The following CTIF variants were observed in gnomAD, a reference collection of about 807,000 sequenced individuals.
CTIF encodes the protein CBP80/20-dependent translation initiation factor.
Under a neutral mutation model 66.0 loss-of-function variants are expected in CTIF, and 21 were observed. The observed-to-expected ratio is 0.32, with a 90% CI of 0.23 to 0.46. The LOEUF is 0.46. Among genes scored for constraint, CTIF ranks in the 20% least tolerant of loss-of-function variants. CTIF has a pLI of 1.00. For synonymous variants in CTIF, 345 were observed against 326.4 expected (o/e 1.06, Z -0.62); for missense variants, 739 against 812.7 (o/e 0.91, Z 1.10).
intron 3 of CTIF, among the ~76,000 whole-genome samples, chr18:48,643,009 T>A (rs913800483): frequency 2.6e-5 from 4 of 152,208 alleles, no homozygotes; most frequent in African/African-American, 9.7e-5. Flanking sequence ...GTGCCTGGAA[T>A]GAGGGGAACC....
At chr18:48,646,576 G>A (rs539953163) in intron 3 of CTIF, among the ~76,000 whole-genome samples, 6 of 151,714 alleles carry the variant, frequency 4.0e-5, no homozygotes, top group Middle Eastern at 3.4e-3. Context: ...GTGAAACACC[G>A]TCTCAACAAA....
intron 7 of CTIF, among the ~76,000 whole-genome samples, chr18:48,712,789 C>A (rs765068574): frequency 2.6e-5 from 4 of 152,208 alleles, no homozygotes; most frequent in Non-Finnish European, 5.9e-5. Flanking sequence ...CGCATGCACA[C>A]CCTGAATAGG....
At chr18:48,824,743 C>A (rs1333477817) in intron 10 of CTIF, among the ~76,000 whole-genome samples, 1 of 152,022 alleles carries the variant, frequency 6.6e-6, no homozygotes, top group Non-Finnish European at 1.5e-5. Flanking sequence ...CGGGTTCAAG[C>A]GATTCTTCTG....
chr18:48,621,040 G>T (rs756518321), intron 2 of CTIF, among the ~76,000 whole-genome samples: 97 of 152,208 alleles, frequency 6.4e-4, no homozygotes, highest in Non-Finnish European at 6.8e-4. Context: ...CACAAGTAAT[G>T]CAAGCTTATA....
At chr18:48,630,474 A>T (rs1485160550) in intron 2 of CTIF, among the ~76,000 whole-genome samples, 1 of 152,080 alleles carries the variant, frequency 6.6e-6, no homozygotes, top group East Asian at 1.9e-4. Context: ...TCTAAGGTCA[A>T]TTTTTCAATG....
rs542935321 is a variant in CTIF at position 48,649,780 on chromosome 18, C to G, written c.252+13095C>G. Among the ~76,000 whole-genome samples the G allele has an allele frequency of 2.6e-5, 4 of 152,158 alleles. No individual in the cohort carries two copies. In the South Asian group the frequency reaches 8.3e-4, roughly 32 times the overall value. ...AGGAATGATCAGGCAGCAGTATTTG[C>G]TGTTCTGCAATATTTGCTGTTCTGC... On this transcript the variant is annotated intron_variant, in intron 3 of 11. Transcript: ENST00000256413.
rs567582423 is a variant in CTIF at position 48,655,147 on chromosome 18, A to G, written c.253-8605A>G. On this transcript the variant is annotated intron_variant, in intron 3 of 11. Coordinates refer to ENST00000256413, the MANE Select transcript of CTIF (RefSeq NM_014772.3). ...TTTAAAAATAATAATAATAATAAAAATACAAAAATTTGCTGGGTATGGTGG... is the reference window on the plus strand; with the variant it reads ...TTTAAAAATAATAATAATAATAAAAGTACAAAAATTTGCTGGGTATGGTGG... 5.2e-4 allele frequency among the ~76,000 whole-genome samples: 79 copies of G among 151,886 alleles called. 1 individual carries two copies. In the South Asian group the frequency reaches 0.015, roughly 30 times the overall value.
intron 1 of CTIF, among the ~76,000 whole-genome samples, chr18:48,582,569 A>G (rs544712658): frequency 6.6e-6 from 1 of 152,000 alleles, no homozygotes; most frequent in East Asian, 1.9e-4. Flanking sequence ...CACTGCACTG[A>G]CCTTCCCCCT....
chr18:48,860,284 T>G lies in CTIF; in HGVS notation c.*725T>G, dbSNP rs2069435166. 1 of 301,306 alleles carries G rather than the reference T, an allele frequency of 3.3e-6. No homozygotes were observed. The highest frequency in any genetic ancestry group is 3.2e-5 in the South Asian group (1 of 31,416). The allele number at this position is 301,306 out of a possible 1,614,324, so 18.7% of individuals were successfully genotyped here. ...TTTATTTTTCAAAAGTCGGTTGCTT[T>G]GAAGTCTCTTTGGCCAATGAAAATG... On this transcript the variant is annotated 3_prime_UTR_variant, in exon 12 of 12. Coordinates refer to ENST00000256413, the MANE Select transcript of CTIF (RefSeq NM_014772.3).
intron 3 of CTIF, among the ~76,000 whole-genome samples, chr18:48,637,564 C>A (rs2090847038): frequency 6.6e-6 from 1 of 152,190 alleles, no homozygotes; most frequent in African/African-American, 2.4e-5. Context: ...CCTGCTTGCT[C>A]ATGTTCAGCT....
chr18:48,713,438 G>A (rs1030099017), intron 7 of CTIF, among the ~76,000 whole-genome samples: 3 of 152,272 alleles, frequency 2.0e-5, no homozygotes, highest in Non-Finnish European at 4.4e-5. Flanking sequence ...CTGGACAGTG[G>A]CAGGCCTCCG....
chr18:48,712,779 C>T (rs934248193), intron 7 of CTIF, among the ~76,000 whole-genome samples: 4 of 152,240 alleles, frequency 2.6e-5, no homozygotes, highest in East Asian at 1.9e-4. Flanking sequence ...TCCTTCCCTA[C>T]GCATGCACAC....
chr18:48,827,633 G>C (rs962612530), intron 10 of CTIF, among the ~76,000 whole-genome samples: 2 of 152,092 alleles, frequency 1.3e-5, no homozygotes, highest in African/African-American at 4.8e-5. Context: ...CCTAATCTTA[G>C]GCACAGACCC....
chr18:48,762,330 T>C (rs990881872), intron 9 of CTIF, among the ~76,000 whole-genome samples: 1 of 152,200 alleles, frequency 6.6e-6, no homozygotes, highest in African/African-American at 2.4e-5. Context: ...AGTGGTTCTA[T>C]CAGCATGAGT....
At chr18:48,767,603 G>A (rs1023537939) in intron 9 of CTIF, among the ~76,000 whole-genome samples, 13 of 151,880 alleles carry the variant, frequency 8.6e-5, no homozygotes, top group African/African-American at 2.7e-4. Flanking sequence ...AGAAGGATGC[G>A]ATACCTTTTT....
chr18:48,799,526 C>T (rs1392448514), intron 9 of CTIF, among the ~76,000 whole-genome samples: 1 of 152,062 alleles, frequency 6.6e-6, no homozygotes, highest in South Asian at 2.1e-4. Flanking sequence ...TTGTTAACAT[C>T]GTGAGTGGAC....
chr18:48,741,395 C>T (rs1465011594), intron 7 of CTIF, among the ~76,000 whole-genome samples: 1 of 151,200 alleles, frequency 6.6e-6, no homozygotes, highest in Non-Finnish European at 1.5e-5. Context: ...TGACCTGGCC[C>T]ACTCCATCAG....
At chr18:48,816,775 G>T (rs866662976) in intron 9 of CTIF, among the ~76,000 whole-genome samples, 12 of 152,256 alleles carry the variant, frequency 7.9e-5, no homozygotes, top group African/African-American at 2.9e-4. Flanking sequence ...TGCTGATGAT[G>T]TGTGGGTGGG....
chr18:48,589,451 A>G (rs1358654038), intron 1 of CTIF, among the ~76,000 whole-genome samples: 2 of 152,224 alleles, frequency 1.3e-5, no homozygotes, highest in East Asian at 3.9e-4. Flanking sequence ...TCCCTGGATT[A>G]GGGTTCCAGT....
Sources: gnomAD v4.1 joint callset for allele counts (sites outside exome capture counted in the v4.1 genomes callset) on GRCh38, gnomAD v4.1.1 for gene constraint, MANE v1.5 for transcripts, NCBI Gene and HGNC (gene_info 2026-07-23, HGNC 2026-07-21) for gene names.